The following DOCK3 variants were observed in gnomAD, a reference collection of about 807,000 sequenced individuals.
The protein encoded by DOCK3 is dedicator of cytokinesis protein 3.
Under a neutral mutation model 265.6 loss-of-function variants are expected in DOCK3, and 60 were observed. The observed-to-expected ratio is 0.23, with a 90% CI of 0.18 to 0.28. The LOEUF (loss-of-function observed/expected upper bound fraction) is 0.28. Ranked by LOEUF, DOCK3 falls within the 10% of genes least tolerant of loss-of-function variation. DOCK3 has a pLI of 1.00. For missense variants in DOCK3, 1,981 were observed against 2,594.3 expected (o/e 0.76, Z 5.14); for synonymous variants, 881 against 938.0 (o/e 0.94, Z 1.11).
At chr3:50,871,584 G>C (rs2047433393) in intron 3 of DOCK3, among the ~76,000 whole-genome samples, 1 of 151,938 alleles carries the variant, frequency 6.6e-6, no homozygotes, top group African/African-American at 2.4e-5. Flanking sequence ...AGGGTTCTCT[G>C]TTATTATTTC....
chr3:50,968,253 A>G (rs1349559142), intron 5 of DOCK3, among the ~76,000 whole-genome samples: 1 of 151,996 alleles, frequency 6.6e-6, no homozygotes, highest in Non-Finnish European at 1.5e-5. Context: ...TGCAGCCTCA[A>G]ACTCCTGAGC....
At chr3:50,909,001 G>A (rs1375273906) in intron 4 of DOCK3, among the ~76,000 whole-genome samples, 2 of 151,638 alleles carry the variant, frequency 1.3e-5, no homozygotes, top group East Asian at 1.9e-4. Context: ...ATTTGATAAT[G>A]TAAAGTCTGT....
At chr3:51,274,144 T>C (rs1373218734) in intron 24 of DOCK3, among the ~76,000 whole-genome samples, 2 of 152,236 alleles carry the variant, frequency 1.3e-5, no homozygotes, top group African/African-American at 2.4e-5. Context: ...GAGAAATCAT[T>C]TGAAGTGTTC....
chr3:51,144,533 G>A (rs1044134622), intron 9 of DOCK3, among the ~76,000 whole-genome samples: 39 of 151,866 alleles, frequency 2.6e-4, no homozygotes, highest in Non-Finnish European at 3.1e-4. Flanking sequence ...TCTTTTACCC[G>A]TTTCTTAGAT....
intron 4 of DOCK3, among the ~76,000 whole-genome samples, chr3:50,899,422 C>G (rs1245596090): frequency 2.0e-5 from 3 of 152,102 alleles, no homozygotes; most frequent in Admixed American, 2.0e-4. Context: ...GGTCTTGACT[C>G]TTTGTCCAGT....
chr3:50,915,832 G>A (rs1559808634), intron 4 of DOCK3, among the ~76,000 whole-genome samples: 1 of 151,996 alleles, frequency 6.6e-6, no homozygotes, highest in Admixed American at 6.6e-5. Context: ...TTCAAGATGA[G>A]GGTACTACCT....
At chr3:51,067,529 C>A (rs972649442) in intron 6 of DOCK3, among the ~76,000 whole-genome samples, 2 of 151,242 alleles carry the variant, frequency 1.3e-5, no homozygotes, top group Non-Finnish European at 2.9e-5. Flanking sequence ...CCATTCCCCT[C>A]CCCACTTCCC....
intron 9 of DOCK3, among the ~76,000 whole-genome samples, chr3:51,116,628 C>G (rs970097978): frequency 6.6e-6 from 1 of 152,016 alleles, no homozygotes; most frequent in Non-Finnish European, 1.5e-5. Flanking sequence ...TGTGTCCTCT[C>G]TTATTCCCTT....
At chr3:51,292,836 C>T (rs529550285) in intron 27 of DOCK3, among the ~76,000 whole-genome samples, 4 of 150,682 alleles carry the variant, frequency 2.7e-5, no homozygotes, top group African/African-American at 7.3e-5. Context: ...TGCCACCACA[C>T]CCAGCTAATT....
chr3:50,759,302 G>A (rs947371668), intron 1 of DOCK3, among the ~76,000 whole-genome samples: 2 of 151,722 alleles, frequency 1.3e-5, no homozygotes, highest in Admixed American at 6.6e-5. Flanking sequence ...TTTCCACAGC[G>A]GCTGCACCAT....
At position 50,919,302 on chromosome 3, in the gene DOCK3, G is replaced by A. The variant is rs548651436; in HGVS notation, c.219-14679G>A. ...TCCAGTTCTGTGAAGAAAGTTATTG[G>A]TAGCTTGATGGGGATAGCATTGAAT... is the stretch of plus-strand genomic sequence containing the variant. On this transcript the variant is annotated intron_variant, in intron 4 of 52. Coordinates refer to ENST00000266037, the MANE Select transcript of DOCK3 (RefSeq NM_004947.5). Among the ~76,000 whole-genome samples the A allele has an allele frequency of 2.0e-5, 3 of 152,222 alleles. No individual in the cohort carries two copies. In the South Asian group the frequency reaches 6.2e-4, roughly 32 times the overall value.
At chr3:50,878,971 A>T (rs1224246715) in intron 3 of DOCK3, among the ~76,000 whole-genome samples, 3 of 152,194 alleles carry the variant, frequency 2.0e-5, no homozygotes, top group Non-Finnish European at 4.4e-5. Flanking sequence ...GGGGGCCAAT[A>T]TTCAACATTC....
chr3:51,366,151 GCCT>G (rs2087142107), intron 49 of DOCK3, among the ~76,000 whole-genome samples: 1 of 152,140 alleles, frequency 6.6e-6, no homozygotes, highest in African/African-American at 2.4e-5. Context: ...ATTAATTATT[GCCT>G]CAATTTCAGA....
intron 27 of DOCK3, among the ~76,000 whole-genome samples, chr3:51,309,361 C>G (rs955226011): frequency 6.6e-6 from 1 of 152,248 alleles, no homozygotes; most frequent in African/African-American, 2.4e-5. Flanking sequence ...GCTGGCGGAT[C>G]ACTTGCGGTT....
At chr3:51,163,552 G>T (rs1450424647) in intron 12 of DOCK3, among the ~76,000 whole-genome samples, 1 of 152,032 alleles carries the variant, frequency 6.6e-6, no homozygotes, top group Non-Finnish European at 1.5e-5. Flanking sequence ...GAAGGACAAG[G>T]GGTCACAAGC....
intron 3 of DOCK3, among the ~76,000 whole-genome samples, chr3:50,872,346 C>T (rs2047472141): frequency 2.0e-5 from 3 of 152,212 alleles, no homozygotes; most frequent in Admixed American, 2.0e-4. Context: ...CTCTGTATTA[C>T]CAGACAGAGA....
At chr3:51,083,403 T>C (rs570822402) in intron 7 of DOCK3, among the ~76,000 whole-genome samples, 1 of 152,104 alleles carries the variant, frequency 6.6e-6, no homozygotes, top group Admixed American at 6.6e-5. Flanking sequence ...CAAAGATACA[T>C]GACACTTCCA....
Position 51,380,179 on chromosome 3 carries a change from C to A in DOCK3, c.5555C>A (p.Pro1852Gln), listed in dbSNP as rs782689713. 29 of 1,612,764 alleles carry A rather than the reference C, an allele frequency of 1.8e-5. No individual in the cohort carries two copies. In the South Asian group the frequency reaches 2.4e-4, roughly 13 times the overall value. Reference sequence around the variant, plus strand: ...CACCACCCTCTGGGTGATACCCCCCCAGCCCTCCCTGCCCGGACCCTGCGC... The same window carrying A: ...CACCACCCTCTGGGTGATACCCCCCAAGCCCTCCCTGCCCGGACCCTGCGC... ...AFHHPLGDTP[P>Q]ALPARTLRKS... The change falls in exon 52 of 53, where the codon CCA becomes CAA. Residue 1852 changes from proline (P) to glutamine (Q), a missense_variant. This residue lies in a region of DOCK3 where 1,357 missense variants were observed against 1,866.8 expected (regional missense o/e 0.73). Coordinates refer to ENST00000266037, the MANE Select transcript of DOCK3 (RefSeq NM_004947.5).
chr3:50,719,268 C>CTTTTTTTTTTTTTTT (rs71084106), intron 1 of DOCK3, among the ~76,000 whole-genome samples: 3 of 138,654 alleles, frequency 2.2e-5, no homozygotes, highest in Non-Finnish European at 1.6e-5. Flanking sequence ...TAGATATTTT[C>CTTTTTTTTTTTTTTT]TTTTTTTTTT....
Sources: allele counts gnomAD v4.1 joint callset (sites outside exome capture counted in the v4.1 genomes callset), GRCh38; gene constraint gnomAD v4.1.1; regional missense constraint gnomAD v4.1.1; transcripts MANE v1.5; gene names NCBI Gene and HGNC (gene_info 2026-07-23, HGNC 2026-07-21).